Variants in UGT1A3 observed in about 807,000 individuals in gnomAD.
UGT1A3 encodes the protein UDP-glucuronosyltransferase 1A3.
In UGT1A3, 31 loss-of-function variants were observed where a neutral mutation model predicts 41.0. The observed-to-expected ratio is 0.76, with a 90% CI of 0.57 to 1.02. The LOEUF (loss-of-function observed/expected upper bound fraction) is 1.02, where lower values mean the gene tolerates loss of function less well. Among genes scored for constraint, UGT1A3 ranks in the 50% least tolerant of loss-of-function variants. The pLI is 0.00. For missense variants in UGT1A3, 737 were observed against 671.0 expected, an observed-to-expected ratio of 1.10 and a Z score of -1.09; for synonymous variants, 262 against 257.6, an observed-to-expected ratio of 1.02 and a Z score of -0.17.
rs200903749 is a variant in UGT1A3, at chr2:233,767,133, A to G, written c.967A>G (p.Ile323Val). ...SEIPEKKAMAIADALGKIPQT... is the reference protein window; with the variant it reads ...SEIPEKKAMAVADALGKIPQT... ...AATTCCAGAGAAGAAAGCTATGGCA[A>G]TTGCTGATGCTTTGGGCAAAATCCC... The change falls in exon 2 of 5, where the codon ATT (isoleucine) becomes GTT (valine). Residue 323 changes from isoleucine (I) to valine (V), a missense_variant. Physicochemically the swap from Ile to Val is conservative, Grantham distance 29 (BLOSUM62 3). Coordinates refer to ENST00000482026, the MANE Select transcript of UGT1A3 (RefSeq NM_019093.4). 1,419 of 1,614,112 alleles carry G rather than the reference A, an allele frequency of 8.8e-4. 26 individuals are homozygous for G. In the South Asian group the frequency reaches 0.015, roughly 17 times the overall value.
rs563709972 is a variant in UGT1A3, at chr2:233,755,474, T to C, written c.868-11560T>C. On this transcript the variant is annotated intron_variant, in intron 1 of 4. Coordinates refer to ENST00000482026, the MANE Select transcript of UGT1A3 (RefSeq NM_019093.4). ...GGACTGGCCCTGCTCTCTGTGAGGCTCTGTGAGGCCCTGTGATGCTCCAAG... is the reference window on the plus strand; with the variant it reads ...GGACTGGCCCTGCTCTCTGTGAGGCCCTGTGAGGCCCTGTGATGCTCCAAG... 5.5e-5 allele frequency: 13 copies of C among 237,114 alleles called. 1 individual carries two copies. The South Asian group carries it at 7.1e-4, about 13-fold the overall frequency. The allele number at this position is 237,114 out of a possible 1,614,324, so 14.7% of individuals were successfully genotyped here.
rs375123865 is a variant in UGT1A3, at chr2:233,769,419, A to G, written c.1307+980A>G. ...TGCATATGTGCGTGTGCGTTTGTGC[A>G]TGTGGCTGTGCTCATGTGTGGGTGC... On this transcript the variant is annotated intron_variant, in intron 4 of 4. Transcript: ENST00000482026. The surrounding 1 kb of genome is among the most constrained non-coding windows in gnomAD (Gnocchi z 4.4). 1.9e-5 allele frequency: 27 copies of G among 1,449,888 alleles called. No individual in the cohort carries two copies. The highest frequency in any genetic ancestry group is 3.6e-4 in the Middle Eastern group (2 of 5,546). The allele number at this position is 1,449,888 out of a possible 1,614,324, so 89.8% of individuals were successfully genotyped here.
At chr2:233,739,018 C>T (rs1339173846) in intron 1 of UGT1A3, 1 of 152,272 alleles carries the variant, frequency 6.6e-6, no homozygotes, top group Non-Finnish European at 1.5e-5. Flanking sequence ...TGGCTCCAGC[C>T]ATGGCTAAAA....
At chr2:233,751,329 G>A (rs1694703475) in intron 1 of UGT1A3, among the ~76,000 whole-genome samples, 1 of 151,722 alleles carries the variant, frequency 6.6e-6, no homozygotes, top group Non-Finnish European at 1.5e-5. Flanking sequence ...CCCCCATTGT[G>A]TCTTGGAAGT....
At chr2:233,739,217 T>C (rs913655982) in intron 1 of UGT1A3, among the ~76,000 whole-genome samples, 1 of 152,096 alleles carries the variant, frequency 6.6e-6, no homozygotes, top group Non-Finnish European at 1.5e-5. Flanking sequence ...ATGGATAGAG[T>C]CCTTATAGAG....
chr2:233,743,821 G>A (rs375309664), intron 1 of UGT1A3: 180 of 1,367,120 alleles, frequency 1.3e-4, no homozygotes, highest in Middle Eastern at 2.1e-4. Flanking sequence ...GGTTTTTGTC[G>A]GGGTGCCACT....
intron 1 of UGT1A3, among the ~76,000 whole-genome samples, chr2:233,746,400 G>T (rs1245323229): frequency 6.6e-6 from 1 of 151,734 alleles, no homozygotes. Context: ...GGAGCTGGGA[G>T]TGTGTCCAAT....
intron 1 of UGT1A3, chr2:233,747,729 T>A: frequency 6.2e-7 from 1 of 1,613,510 alleles, no homozygotes. Context: ...TGTGTTTTTT[T>A]TGAGGAACAT....
At chr2:233,767,332 A>C (rs34743975) in intron 2 of UGT1A3, among the ~76,000 whole-genome samples, 167 bp downstream of exon 2, 47 of 152,148 alleles carry the variant, frequency 3.1e-4, no homozygotes, top group Admixed American at 1.7e-3. Flanking sequence ...GGTTGTTGTC[A>C]TTGTTTTCAA....
intron 1 of UGT1A3, 105 bp from the exon 2 acceptor site, chr2:233,766,924 ATGCCT>A: frequency 6.4e-7 from 1 of 1,565,450 alleles, no homozygotes; most frequent in Non-Finnish European, 8.6e-7. Context: ...TCAAACACGC[ATGCCT>A]TTAATCATAG....
intron 1 of UGT1A3, among the ~76,000 whole-genome samples, chr2:233,730,779 G>A (rs1359595919): frequency 1.3e-5 from 2 of 152,152 alleles, no homozygotes; most frequent in African/African-American, 4.8e-5. Context: ...GCCCAGTGAA[G>A]CTGGGGACAG....
intron 1 of UGT1A3, chr2:233,756,309 C>A (rs1335647268): frequency 7.9e-5 from 12 of 152,226 alleles, no homozygotes; most frequent in Non-Finnish European, 1.6e-4. Context: ...ATAACCTACC[C>A]ATATCCTCCT....
intron 1 of UGT1A3, chr2:233,743,629 T>A (rs570829500): frequency 7.3e-7 from 1 of 1,367,190 alleles, no homozygotes; most frequent in Non-Finnish European, 9.8e-7. Context: ...AGACGTCGGC[T>A]GGGTCGCGGA....
Position 233,772,333 on chromosome 2 carries a change from T to C in UGT1A3, c.1379T>C (p.Val460Ala). The part of the protein sequence containing the change: ...DRPVEPLDLA[V>A]FWVEFVMRHK... Reference sequence around the variant, plus strand: ...CCGGTGGAGCCGCTGGACCTGGCCGTGTTCTGGGTGGAGTTTGTGATGAGG... The same window carrying C: ...CCGGTGGAGCCGCTGGACCTGGCCGCGTTCTGGGTGGAGTTTGTGATGAGG... The change falls in exon 5 of 5, where the codon GTG becomes GCG. Residue 460 changes from valine (V) to alanine (A), a missense_variant. Physicochemically the swap from Val to Ala is moderately conservative, Grantham distance 64 (BLOSUM62 0). Coordinates refer to ENST00000482026, the MANE Select transcript of UGT1A3 (RefSeq NM_019093.4). 6.2e-7 allele frequency: 1 copy of C among 1,614,126 alleles called. No individual in the cohort carries two copies. Among genetic ancestry groups the C allele is most frequent in the Non-Finnish European group, 8.5e-7 (1 of 1,180,008 alleles).
chr2:233,769,773 T>C lies in UGT1A3; in HGVS notation c.1307+1334T>C. 4 of 1,392,024 alleles carry C rather than the reference T, an allele frequency of 2.9e-6. No individual in the cohort carries two copies. Among genetic ancestry groups the C allele is most frequent in the Non-Finnish European group, 2.8e-6 (3 of 1,065,432 alleles). 86.2% of individuals were successfully genotyped at this position (1,392,024 alleles called of 1,614,324 possible). A position where few individuals can be genotyped will look rare whatever the true frequency, so the allele number is the denominator to read the frequency against. ...TGGAGGCTAAGGCGGGAGGATTGCTTGAGCCCAGAAGTTGGAGGCTGCTAT... is the reference window on the plus strand; with the variant it reads ...TGGAGGCTAAGGCGGGAGGATTGCTCGAGCCCAGAAGTTGGAGGCTGCTAT... On this transcript the variant is annotated intron_variant, in intron 4 of 4. Transcript: ENST00000482026. This position sits in a 1 kb window ranked among gnomAD's most constrained non-coding sequence, Gnocchi z 4.4.
chr2:233,745,629 A>T (rs1334214032), intron 1 of UGT1A3, among the ~76,000 whole-genome samples: 1 of 151,506 alleles, frequency 6.6e-6, no homozygotes, highest in East Asian at 1.9e-4. Context: ...ACAGTCATAG[A>T]AAGCTGGCCG....
chr2:233,765,202 C>T (rs139573386), intron 1 of UGT1A3, among the ~76,000 whole-genome samples: 1 of 152,246 alleles, frequency 6.6e-6, no homozygotes, highest in Non-Finnish European at 1.5e-5. Flanking sequence ...CATATTAGTG[C>T]CCTCAGTATT....
chr2:233,767,739 GT>G, intron 2 of UGT1A3, 109 bp from the exon 3 acceptor site: 1 of 1,578,058 alleles, frequency 6.3e-7, no homozygotes, highest in Non-Finnish European at 8.6e-7. Flanking sequence ...CTCCCACTCT[GT>G]TAAAGACTGT....
chr2:233,760,910 A>G (rs1375729895), intron 1 of UGT1A3: 2 of 1,614,074 alleles, frequency 1.2e-6, no homozygotes, highest in Non-Finnish European at 1.7e-6. Context: ...ACCTTCCTGC[A>G]GCGGGTGAAG....
Sources: gnomAD v4.1 joint callset for allele counts (sites outside exome capture counted in the v4.1 genomes callset) on GRCh38, gnomAD v4.1.1 for gene constraint, Gnocchi (gnomAD v3.1) non-coding constraint, MANE v1.5 for transcripts, NCBI Gene and HGNC (gene_info 2026-07-23, HGNC 2026-07-21) for gene names.